The following NCOA7 variants were observed in gnomAD, a reference collection of about 807,000 sequenced individuals.
The protein encoded by NCOA7 is 140 kDa estrogen receptor-associated protein.
A neutral mutation model predicts 104.3 loss-of-function variants in NCOA7; 45 were observed. The observed-to-expected ratio is 0.43, with a 90% confidence interval of 0.34 to 0.55. The LOEUF (loss-of-function observed/expected upper bound fraction) is 0.55. NCOA7 is among the 20% of genes least tolerant of loss of function. NCOA7 has a pLI of 0.02. For missense variants in NCOA7, 1,041 were observed against 1,119.7 expected (o/e 0.93, Z 1.00); for synonymous variants, 398 against 402.3 (o/e 0.99, Z 0.13).
chr6:125,877,969 A>G (rs1783514779), intron 4 of NCOA7, among the ~76,000 whole-genome samples: 1 of 152,208 alleles, frequency 6.6e-6, no homozygotes, highest in Admixed American at 6.5e-5. Flanking sequence ...TGTAGTCTTC[A>G]TTACAGCTCA....
chr6:125,785,972 C>T (rs138862912), upstream of NCOA7, among the ~76,000 whole-genome samples: 18 of 152,240 alleles, frequency 1.2e-4, no homozygotes, highest in African/African-American at 4.1e-4. Flanking sequence ...TTATAACAAG[C>T]CAAATGAAAC....
At chr6:125,855,291 A>C (rs1279785477) in intron 3 of NCOA7, 51 bp downstream of exon 3, 1 of 1,389,118 alleles carries the variant, frequency 7.2e-7, no homozygotes, top group Non-Finnish European at 1.0e-6. Flanking sequence ...AATCTATAAG[A>C]ATTTTTAAAA....
At chr6:125,797,049 A>G (rs1197970710) in intron 1 of NCOA7, among the ~76,000 whole-genome samples, 1 of 152,238 alleles carries the variant, frequency 6.6e-6, no homozygotes, top group African/African-American at 2.4e-5. Context: ...GGTATTTATT[A>G]TGACACTCAT....
At chr6:125,809,724 C>G (rs529471182) in intron 1 of NCOA7, among the ~76,000 whole-genome samples, 1 of 152,132 alleles carries the variant, frequency 6.6e-6, no homozygotes, top group East Asian at 1.9e-4. Context: ...CTGTTCCTTA[C>G]GTGACCAAAC....
At chr6:125,841,539 C>T (rs1391995497) in intron 2 of NCOA7, among the ~76,000 whole-genome samples, 4 of 151,726 alleles carry the variant, frequency 2.6e-5, no homozygotes, top group African/African-American at 7.3e-5. Flanking sequence ...TTTTTAAGAG[C>T]GTGATCAAGA....
At chr6:125,789,511 T>G (rs1166385273), upstream of NCOA7, among the ~76,000 whole-genome samples, 1 of 152,188 alleles carries the variant, frequency 6.6e-6, no homozygotes, top group Non-Finnish European at 1.5e-5. Flanking sequence ...TTTGATACAA[T>G]GCAATCAGCT....
chr6:125,912,503 C>T (rs1786667948), intron 10 of NCOA7, among the ~76,000 whole-genome samples: 1 of 152,202 alleles, frequency 6.6e-6, no homozygotes. Flanking sequence ...ACTAGGGTGT[C>T]ATCACTATTG....
chr6:125,830,567 G>A (rs566344590), intron 2 of NCOA7, among the ~76,000 whole-genome samples: 1 of 152,222 alleles, frequency 6.6e-6, no homozygotes, highest in South Asian at 2.1e-4. Context: ...GTGAGTGCCT[G>A]TAGTCCCAGT....
chr6:125,888,804 AC>A (rs1784426232), intron 8 of NCOA7, 134 bp from the exon 9 acceptor site: 4 of 542,528 alleles, frequency 7.4e-6, no homozygotes, highest in Non-Finnish European at 1.3e-5. Context: ...AATCATTTGA[AC>A]ATAAATTTAA....
At chr6:125,870,950 G>A (rs981040911) in intron 3 of NCOA7, among the ~76,000 whole-genome samples, 4 of 152,162 alleles carry the variant, frequency 2.6e-5, no homozygotes, top group Non-Finnish European at 4.4e-5. Context: ...TGAAGGACCT[G>A]TGTTTTATTC....
intron 1 of NCOA7, among the ~76,000 whole-genome samples, chr6:125,782,318 A>G (rs553565897): frequency 1.6e-3 from 240 of 152,142 alleles, no homozygotes; most frequent in African/African-American, 5.5e-3. Flanking sequence ...TTTTTTTGGA[A>G]CCATTTGGGG....
chr6:125,843,340 C>T (rs926868388), intron 2 of NCOA7, among the ~76,000 whole-genome samples: 5 of 152,082 alleles, frequency 3.3e-5, no homozygotes, highest in South Asian at 2.1e-4. Context: ...GCCCTGTGGA[C>T]GCCTTGATTT....
chr6:125,801,311 G>A (rs747748700), intron 1 of NCOA7, among the ~76,000 whole-genome samples: 2 of 152,114 alleles, frequency 1.3e-5, no homozygotes, highest in Non-Finnish European at 2.9e-5. Flanking sequence ...AAAGCTCATC[G>A]AGTTAACATC....
At chr6:125,853,560 C>A (rs1321043420) in intron 2 of NCOA7, among the ~76,000 whole-genome samples, 1 of 152,124 alleles carries the variant, frequency 6.6e-6, no homozygotes, top group African/African-American at 2.4e-5. Context: ...CAATGAATAT[C>A]TAAGAACCTG....
chr6:125,880,480 C>T (rs931972751), intron 5 of NCOA7, among the ~76,000 whole-genome samples: 10 of 151,666 alleles, frequency 6.6e-5, no homozygotes, highest in Admixed American at 6.6e-4. Flanking sequence ...ACTTACCCAC[C>T]TTGCTCTCTC....
Position 125,889,392 on chromosome 6 carries a change from A to G in NCOA7, c.1338A>G (p.Glu446=). Residue 446 remains glutamate, a synonymous_variant, in exon 9 of 16, where the codon GAA becomes GAG. Coordinates refer to ENST00000392477, the MANE Select transcript of NCOA7 (RefSeq NM_181782.5). The part of the protein sequence containing the change: ...LKECLSLDPE[E]RKKAESQINN... ...AGTGCCTTTCTCTTGACCCAGAGGA[A>G]CGAAAGAAAGCTGAGTCACAAATAA... 6.2e-7 allele frequency: 1 copy of G among 1,613,896 alleles called. No homozygotes were observed. Among genetic ancestry groups the G allele is most frequent in the East Asian group, 2.2e-5 (1 of 44,864 alleles).
At chr6:125,925,506 A>G (rs1423074007) in intron 13 of NCOA7, among the ~76,000 whole-genome samples, 2 of 152,238 alleles carry the variant, frequency 1.3e-5, no homozygotes, top group African/African-American at 4.8e-5. Flanking sequence ...CAACAATAGA[A>G]CAATCATCAG....
intron 3 of NCOA7, among the ~76,000 whole-genome samples, chr6:125,871,204 T>A (rs547291931): frequency 5.3e-5 from 8 of 152,298 alleles, no homozygotes; most frequent in Non-Finnish European, 1.0e-4. Flanking sequence ...GACCTGAAGT[T>A]GGAAAGGTCA....
chr6:125,910,503 G>A (rs1786435990), intron 10 of NCOA7, among the ~76,000 whole-genome samples: 1 of 152,146 alleles, frequency 6.6e-6, no homozygotes, highest in Admixed American at 6.6e-5. Flanking sequence ...AACCTCTCTG[G>A]AGTGATGATT....
Sources: gnomAD v4.1 joint callset for allele counts (sites outside exome capture counted in the v4.1 genomes callset) on GRCh38, gnomAD v4.1.1 for gene constraint, MANE v1.5 for transcripts, NCBI Gene and HGNC (gene_info 2026-07-23, HGNC 2026-07-21) for gene names.